BRD1: variants seen among roughly 807,000 people sequenced by gnomAD.
BRD1 encodes the protein bromodomain containing 1, also known as bromodomain-containing protein 1.
A neutral mutation model predicts 107.7 loss-of-function variants in BRD1; 24 were observed. The ratio of observed to expected loss-of-function variants is 0.22; its 90% confidence interval spans 0.16 to 0.31. The LOEUF (loss-of-function observed/expected upper bound fraction) is 0.31. Ranked by LOEUF, BRD1 falls within the 10% of genes least tolerant of loss-of-function variation. The pLI, the probability that BRD1 is intolerant of heterozygous loss-of-function variation, is 1.00. For missense variants in BRD1, 1,279 were observed against 1,638.6 expected (o/e 0.78, Z 3.79); for synonymous variants, 744 against 686.1 (o/e 1.08, Z -1.32).
At chr22:49,793,501 G>T (rs973595127) in intron 7 of BRD1, among the ~76,000 whole-genome samples, 2 of 152,194 alleles carry the variant, frequency 1.3e-5, no homozygotes, top group Non-Finnish European at 2.9e-5. Context: ...GAGCTGGCCG[G>T]GGACCCTCGG....
chr22:49,804,458 G>C (rs963863037), intron 2 of BRD1, 98 bp from the exon 3 acceptor site: 1 of 1,376,390 alleles, frequency 7.3e-7, no homozygotes, highest in Non-Finnish European at 9.8e-7. Flanking sequence ...AAAACCATGT[G>C]TTCATACTTT....
rs937338781 is a variant in BRD1 at position 49,798,573 on chromosome 22, G to A, written c.1770C>T (p.Pro590=). The part of the protein sequence containing the change: ...DKDPARIFAQ[P]VSLKEVPDYL... The stretch of plus-strand genomic sequence containing the variant: ...AAACACCCACCTCCTTCAGACTCAC[G>A]GGCTGCGCAAATATCCTGGCGGGGT... The change falls in exon 5 of 13, where the codon CCC becomes CCT. Residue 590 remains proline, a synonymous_variant. Coordinates refer to ENST00000404760, the MANE Select transcript of BRD1 (RefSeq NM_001304808.3). 3.7e-5 allele frequency: 60 copies of A among 1,614,050 alleles called. No homozygotes were observed. The highest frequency in any genetic ancestry group is 6.7e-5 in the East Asian group (3 of 44,896).
chr22:49,824,203 T>A lies in BRD1; in HGVS notation c.115A>T (p.Met39Leu), dbSNP rs1441500918. 1 of 1,613,972 alleles carries A rather than the reference T, an allele frequency of 6.2e-7. No individual in the cohort carries two copies. The change falls in exon 2 of 13, where the codon ATG becomes TTG. Residue 39 changes from methionine to leucine, a missense_variant. Around this residue, in one of 7 missense-constraint regions of BRD1, gnomAD observed 223 missense variants for 263.5 expected, o/e 0.85. Coordinates refer to ENST00000404760, the MANE Select transcript of BRD1 (RefSeq NM_001304808.3). The surrounding 1 kb of genome is among the most constrained non-coding windows in gnomAD (Gnocchi z 5.9). The stretch of plus-strand genomic sequence containing the variant: ...CGCCCTTCAATTTCTATCTCTACCA[T>A]CCTTTGAGCTTGAGCGTAGGTCAGC... ...ETLTYAQAQR[M>L]VEIEIEGRLH... is the part of the protein sequence containing the mutation.
intron 7 of BRD1, among the ~76,000 whole-genome samples, chr22:49,789,626 G>A (rs1196117084): frequency 6.6e-6 from 1 of 152,172 alleles, no homozygotes; most frequent in East Asian, 1.9e-4. Flanking sequence ...CCGGCCAGCA[G>A]AGATGGAGCC....
At chr22:49,815,954 A>T (rs1247732234) in intron 2 of BRD1, among the ~76,000 whole-genome samples, 1 of 151,972 alleles carries the variant, frequency 6.6e-6, no homozygotes, top group African/African-American at 2.4e-5. Context: ...CATGCCTCCC[A>T]GTGCCACCCG....
chr22:49,795,825 T>G (rs1411069752), intron 6 of BRD1, among the ~76,000 whole-genome samples: 2 of 152,190 alleles, frequency 1.3e-5, no homozygotes, highest in African/African-American at 4.8e-5. Context: ...AGGACAAGCA[T>G]GAGCCCATGG....
In BRD1 at chr22:49,794,358, G is replaced by A. The variant is rs528861910; in HGVS notation, c.2099-64C>T. On this transcript the variant is annotated intron_variant, in intron 6 of 12. Coordinates refer to ENST00000404760, the MANE Select transcript of BRD1 (RefSeq NM_001304808.3). Reference sequence around the variant, plus strand: ...ACGCACCTTCTGGGAACACATCACCGGTCCCGTCTTTCAAATCACCTTCGG... The same window carrying A: ...ACGCACCTTCTGGGAACACATCACCAGTCCCGTCTTTCAAATCACCTTCGG... The A allele has an allele frequency of 4.4e-4, 675 of 1,537,076 alleles. 1 individual carries two copies. The highest frequency in any genetic ancestry group is 8.0e-4 in the Admixed American group (43 of 53,524).
intron 3 of BRD1, among the ~76,000 whole-genome samples, chr22:49,801,935 C>A (rs891614863): frequency 2.0e-5 from 3 of 152,238 alleles, no homozygotes; most frequent in African/African-American, 7.2e-5. Context: ...CGTGTCCCAG[C>A]TTATGAGAGT....
chr22:49,808,495 G>A (rs371207729), intron 2 of BRD1, among the ~76,000 whole-genome samples: 4 of 152,318 alleles, frequency 2.6e-5, no homozygotes. Context: ...ACAGGGAGTA[G>A]AACGGTGAAC....
Position 49,803,481 on chromosome 22 carries a change from C to G in BRD1, c.1524+723G>C, listed in dbSNP as rs552420847. 1.4e-4 allele frequency among the ~76,000 whole-genome samples: 21 copies of G among 152,318 alleles called. No individual in the cohort carries two copies. In the South Asian group the frequency reaches 4.1e-3, roughly 30 times the overall value. Reference sequence around the variant, plus strand: ...AGGGCGCTGGCCGCAGGTCCTGGGCCGTGTGCAGAGCTGCTTGTGTTTTCA... The same window carrying G: ...AGGGCGCTGGCCGCAGGTCCTGGGCGGTGTGCAGAGCTGCTTGTGTTTTCA... On this transcript the variant is annotated intron_variant, in intron 3 of 12. Coordinates refer to ENST00000404760, the MANE Select transcript of BRD1 (RefSeq NM_001304808.3). This position sits in a 1 kb window ranked among gnomAD's most constrained non-coding sequence, Gnocchi z 4.4.
chr22:49,793,181 G>A (rs1013404185), intron 7 of BRD1, among the ~76,000 whole-genome samples: 2 of 152,204 alleles, frequency 1.3e-5, no homozygotes, highest in Admixed American at 6.5e-5. Context: ...GCAAAACACA[G>A]TGGCAATGAC....
Position 49,792,954 on chromosome 22 carries a change from G to A in BRD1, c.2359+1080C>T, listed in dbSNP as rs1040682630. Among the ~76,000 whole-genome samples, 2 of 152,154 alleles carry A rather than the reference G, an allele frequency of 1.3e-5. No homozygotes were observed. Among genetic ancestry groups the A allele is most frequent in the Admixed American group, 6.5e-5 (1 of 15,284 alleles). ...CATCATGAAGACACTGCGTCACTCC[G>A]AGCACAGACGTCCATAAGAGATGAA... On this transcript the variant is annotated intron_variant, in intron 7 of 12. Coordinates refer to ENST00000404760, the MANE Select transcript of BRD1 (RefSeq NM_001304808.3). The surrounding 1 kb of genome is among the most constrained non-coding windows in gnomAD (Gnocchi z 4.2).
Position 49,787,635 on chromosome 22 carries a change from G to C in BRD1, c.2612C>G (p.Ala871Gly), listed in dbSNP as rs1299519805. 7 of 1,550,812 alleles carry C rather than the reference G, an allele frequency of 4.5e-6. No individual in the cohort carries two copies. Among genetic ancestry groups the C allele is most frequent in the African/African-American group, 1.4e-5 (1 of 73,194 alleles). ...DVPAAAASAV[A>G]EPASDVNRRT... ...TCTGTTTACATCGCTTGCTGGCTCC[G>C]CCACCGCGGAGGCCGCCGCCGCCGG... The change falls in exon 8 of 13, where the codon GCG (alanine) becomes GGG (glycine). Residue 871 changes from alanine to glycine, a missense_variant. Coordinates refer to ENST00000404760, the MANE Select transcript of BRD1 (RefSeq NM_001304808.3).
Position 49,774,120 on chromosome 22 carries a change from A to C in BRD1, c.*113T>G. 7.4e-7 allele frequency: 1 copy of C among 1,354,714 alleles called. No individual in the cohort carries two copies. The highest frequency in any genetic ancestry group is 9.8e-7 in the Non-Finnish European group (1 of 1,020,568). 83.9% of individuals were successfully genotyped at this position (1,354,714 alleles called of 1,614,324 possible). ...ATAAAACCTCCCCCCTCCCCGGGGAAAAAGAATTAAAGAGCTATAACTAAA... is the reference window on the plus strand; with the variant it reads ...ATAAAACCTCCCCCCTCCCCGGGGACAAAGAATTAAAGAGCTATAACTAAA... On this transcript the variant is annotated 3_prime_UTR_variant, in exon 13 of 13. Transcript: ENST00000404760.
At position 49,787,282 on chromosome 22, in the gene BRD1, A is replaced by G. The variant is rs8138432; in HGVS notation, c.2857+108T>C. ...TCTCTGGAAATTAAGAGAATGCTGCAAAAACAGAAGCTGGACACCCCCCCC... is the reference window on the plus strand; with the variant it reads ...TCTCTGGAAATTAAGAGAATGCTGCGAAAACAGAAGCTGGACACCCCCCCC... On this transcript the variant is annotated intron_variant, in intron 8 of 12. Transcript: ENST00000404760. 3,496 of 1,339,766 alleles carry G rather than the reference A, an allele frequency of 2.6e-3. 157 individuals carry two copies. The African/African-American group carries it at 0.048, about 18-fold the overall frequency. The allele number at this position is 1,339,766 out of a possible 1,614,324, so 83.0% of individuals were successfully genotyped here.
intron 2 of BRD1, among the ~76,000 whole-genome samples, chr22:49,819,838 T>G (rs928735968): frequency 3.3e-5 from 5 of 151,964 alleles, no homozygotes; most frequent in African/African-American, 1.2e-4. Flanking sequence ...ACCTTAAAAC[T>G]ATCTCTTTTA....
intron 2 of BRD1, among the ~76,000 whole-genome samples, chr22:49,813,585 C>T (rs1171313557): frequency 6.6e-6 from 1 of 151,258 alleles, no homozygotes; most frequent in Admixed American, 6.6e-5. Flanking sequence ...ATAATCCCAG[C>T]ACTTTGAGAG....
At position 49,787,383 on chromosome 22, in the gene BRD1, C is replaced by CATT. The variant is rs1429682350; in HGVS notation, c.2857+4_2857+6dup. 6.3e-7 allele frequency: 1 copy of CATT among 1,599,256 alleles called. No individual in the cohort carries two copies. Among genetic ancestry groups the CATT allele is most frequent in the African/African-American group, 1.3e-5 (1 of 74,176 alleles). ...GGGCGCCTCTCAGGGCCGCCCGCGG[C>CATT]ATTTACCTGCGTCCAGGCGCTTTCC... is the stretch of plus-strand genomic sequence containing the variant. On this transcript the variant is annotated splice_region_variant and intron_variant, in intron 8 of 12. Coordinates refer to ENST00000404760, the MANE Select transcript of BRD1 (RefSeq NM_001304808.3).
Position 49,804,735 on chromosome 22 carries a change from C to T in BRD1, c.1368-375G>A, listed in dbSNP as rs117406928. ...ATGTGGAGGTACATGCGTGTAGTCC[C>T]GGCTACTTGGGAGGCTGAGGCAGGA... On this transcript the variant is annotated intron_variant, in intron 2 of 12. Coordinates refer to ENST00000404760, the MANE Select transcript of BRD1 (RefSeq NM_001304808.3). Among the ~76,000 whole-genome samples the T allele has an allele frequency of 4.1e-3, 626 of 152,094 alleles. 4 individuals are homozygous for T. Among genetic ancestry groups the T allele is most frequent in the Non-Finnish European group, 6.7e-3 (454 of 67,984 alleles).
Sources: allele counts gnomAD v4.1 joint callset (sites outside exome capture counted in the v4.1 genomes callset), GRCh38; gene constraint gnomAD v4.1.1; regional missense constraint gnomAD v4.1.1; non-coding constraint Gnocchi (gnomAD v3.1); transcripts MANE v1.5; gene names NCBI Gene and HGNC (gene_info 2026-07-23, HGNC 2026-07-21).